The following ASIC2 variants were observed in gnomAD, a reference collection of about 807,000 sequenced individuals.
The protein encoded by ASIC2 is acid-sensing ion channel 2.
A neutral mutation model predicts 57.3 loss-of-function variants in ASIC2; 25 were observed. The observed-to-expected ratio is 0.44, with a 90% CI of 0.32 to 0.61. The LOEUF is 0.61. ASIC2 is among the 20% of genes least tolerant of loss of function. The pLI, the probability that ASIC2 is intolerant of heterozygous loss-of-function variation, is 0.06. For missense variants in ASIC2, 641 were observed against 738.1 expected, an observed-to-expected ratio of 0.87 and a Z score of 1.52; for synonymous variants, 319 against 307.5, an observed-to-expected ratio of 1.04 and a Z score of -0.39.
At chr17:33,602,471 G>C (rs1189375260) in intron 1 of ASIC2, among the ~76,000 whole-genome samples, 2 of 152,140 alleles carry the variant, frequency 1.3e-5, no homozygotes, top group Non-Finnish European at 1.5e-5. Flanking sequence ...TTATGACACA[G>C]CAAGAAGGCC....
intron 1 of ASIC2, among the ~76,000 whole-genome samples, chr17:33,670,507 G>A (rs1200223357): frequency 6.6e-6 from 1 of 152,174 alleles, no homozygotes; most frequent in Non-Finnish European, 1.5e-5. Context: ...CCATCTCAAC[G>A]GTGACGAAGG....
At chr17:33,786,483 T>C (rs1175565513) in intron 1 of ASIC2, among the ~76,000 whole-genome samples, 1 of 152,200 alleles carries the variant, frequency 6.6e-6, no homozygotes, top group Non-Finnish European at 1.5e-5. Flanking sequence ...TACTATCTGC[T>C]ATCACCATTA....
In ASIC2 at chr17:33,887,595, C is replaced by T. The variant is rs142017610; in HGVS notation, c.555+268383G>A. On this transcript the variant is annotated intron_variant, in intron 1 of 9. Transcript: ENST00000359872. ...ATGACTGGTGCTTTGGGTTGGTGTG[C>T]GGAGAGGTGAGACCTTTTGTGGTTC... 2.3e-3 allele frequency among the ~76,000 whole-genome samples: 350 copies of T among 152,148 alleles called. 2 individuals carry two copies. Among genetic ancestry groups the T allele is most frequent in the African/African-American group, 8.0e-3 (331 of 41,524 alleles).
chr17:33,817,981 G>A (rs973120430), intron 1 of ASIC2, among the ~76,000 whole-genome samples: 14 of 152,108 alleles, frequency 9.2e-5, no homozygotes, highest in Admixed American at 3.3e-4. Flanking sequence ...TTTCTTGTAC[G>A]TTGGCTCAAA....
intron 1 of ASIC2, among the ~76,000 whole-genome samples, chr17:33,356,289 A>T (rs1481976328): frequency 1.3e-5 from 2 of 152,100 alleles, no homozygotes; most frequent in Non-Finnish European, 2.9e-5. Flanking sequence ...ATGGATCATC[A>T]TTCCATTTTA....
At chr17:33,402,187 G>C (rs1183473431) in intron 1 of ASIC2, among the ~76,000 whole-genome samples, 3 of 152,054 alleles carry the variant, frequency 2.0e-5, no homozygotes, top group Non-Finnish European at 4.4e-5. Context: ...TGCATGGAGG[G>C]CTCCATGCAC....
chr17:33,821,004 C>T (rs148223636), intron 1 of ASIC2, among the ~76,000 whole-genome samples: 233 of 152,278 alleles, frequency 1.5e-3, no homozygotes, highest in Middle Eastern at 3.4e-3. Flanking sequence ...ACAGTTCTGC[C>T]GGGAGTTCTG....
chr17:33,794,974 C>T (rs775467450), intron 1 of ASIC2, among the ~76,000 whole-genome samples: 2 of 152,108 alleles, frequency 1.3e-5, no homozygotes, highest in Non-Finnish European at 2.9e-5. Flanking sequence ...AGAAAATGAG[C>T]CACATTATCT....
At chr17:33,105,313 A>C (rs970189629) in intron 2 of ASIC2, among the ~76,000 whole-genome samples, 1 of 152,130 alleles carries the variant, frequency 6.6e-6, no homozygotes, top group Admixed American at 6.6e-5. Context: ...ATGAGATCTG[A>C]CGGTTTCATG....
chr17:33,579,725 G>A (rs762926405), intron 1 of ASIC2, among the ~76,000 whole-genome samples: 10 of 152,190 alleles, frequency 6.6e-5, no homozygotes, highest in East Asian at 1.9e-4. Flanking sequence ...ACTGTTAAAA[G>A]TAGTGCGGAC....
chr17:33,690,670 C>T (rs1303719878), intron 1 of ASIC2, among the ~76,000 whole-genome samples: 3 of 151,528 alleles, frequency 2.0e-5, no homozygotes, highest in Non-Finnish European at 4.4e-5. Context: ...GTAAGTCTAC[C>T]ACAAGTAGAC....
intron 1 of ASIC2, among the ~76,000 whole-genome samples, chr17:33,953,820 G>C (rs938935617): frequency 2.0e-5 from 3 of 152,124 alleles, no homozygotes; most frequent in African/African-American, 7.2e-5. Context: ...AGACCATGTT[G>C]GTTGGGGTAA....
At chr17:33,018,098 C>G (rs1265912483) in intron 7 of ASIC2, among the ~76,000 whole-genome samples, 1 of 152,162 alleles carries the variant, frequency 6.6e-6, no homozygotes, top group African/African-American at 2.4e-5. Flanking sequence ...CTCCCCTAAC[C>G]CAATCACGGC....
intron 1 of ASIC2, among the ~76,000 whole-genome samples, chr17:33,966,650 C>T (rs758297511): frequency 2.0e-5 from 3 of 152,148 alleles, no homozygotes; most frequent in African/African-American, 4.8e-5. Flanking sequence ...CACTGTGGGT[C>T]GGATGACACT....
chr17:34,031,466 C>T (rs1418405164), intron 1 of ASIC2, among the ~76,000 whole-genome samples: 1 of 152,178 alleles, frequency 6.6e-6, no homozygotes, highest in Non-Finnish European at 1.5e-5. Context: ...TCTCCTCCTC[C>T]AAAGGAATGC....
chr17:33,281,018 G>A (rs1874605), intron 1 of ASIC2, among the ~76,000 whole-genome samples: 3 of 152,120 alleles, frequency 2.0e-5, no homozygotes, highest in Non-Finnish European at 2.9e-5. Flanking sequence ...TACATATTTT[G>A]GAAGAAGAGA....
At chr17:34,151,750 G>A (rs1904534136) in intron 1 of ASIC2, among the ~76,000 whole-genome samples, 1 of 152,188 alleles carries the variant, frequency 6.6e-6, no homozygotes, top group African/African-American at 2.4e-5. Flanking sequence ...ACTGAGAGTT[G>A]AGTGAGCTCC....
chr17:33,997,002 CATTT>C (rs1223553746), intron 1 of ASIC2, among the ~76,000 whole-genome samples: 2 of 152,084 alleles, frequency 1.3e-5, no homozygotes, highest in African/African-American at 4.8e-5. Context: ...GAGATCTTTT[CATTT>C]ATTTGTGTCT....
intron 1 of ASIC2, among the ~76,000 whole-genome samples, chr17:33,393,198 A>G (rs1180445161): frequency 1.3e-5 from 2 of 152,152 alleles, no homozygotes; most frequent in African/African-American, 4.8e-5. Flanking sequence ...AATAAAGCCC[A>G]AGCTCCTGAT....
Sources: gnomAD v4.1 joint callset for allele counts (sites outside exome capture counted in the v4.1 genomes callset) on GRCh38, gnomAD v4.1.1 for gene constraint, MANE v1.5 for transcripts, NCBI Gene and HGNC (gene_info 2026-07-23, HGNC 2026-07-21) for gene names.